RNF212: variants seen among roughly 807,000 people sequenced by gnomAD.
RNF212 encodes ring finger protein 212, also known as probable E3 SUMO-protein ligase RNF212.
A neutral mutation model predicts 34.7 loss-of-function variants in RNF212; 33 were observed. The ratio of observed to expected loss-of-function variants is 0.95; its 90% CI spans 0.72 to 1.27. The LOEUF is 1.27. Among genes scored for constraint, RNF212 ranks in the 50% most tolerant of loss-of-function variants. The pLI is 0.00. For synonymous variants in RNF212, 140 were observed against 136.1 expected, an observed-to-expected ratio of 1.03 and a Z score of -0.20; for missense variants, 377 against 362.2, an observed-to-expected ratio of 1.04 and a Z score of -0.33.
intron 1 of RNF212, among the ~76,000 whole-genome samples, chr4:1,109,957 T>A (rs953089311): frequency 6.6e-6 from 1 of 152,206 alleles, no homozygotes; most frequent in African/African-American, 2.4e-5. Flanking sequence ...GTTGCCCTCA[T>A]GCTAAAAACA....
At chr4:1,106,744 C>A (rs139484315) in intron 2 of RNF212, among the ~76,000 whole-genome samples, 2 of 152,286 alleles carry the variant, frequency 1.3e-5, no homozygotes, top group African/African-American at 4.8e-5. Context: ...GGGTACCGTG[C>A]GAGGAGCAGA....
intron 7 of RNF212, among the ~76,000 whole-genome samples, chr4:1,080,488 C>T (rs533013632): frequency 6.6e-6 from 1 of 152,266 alleles, no homozygotes; most frequent in African/African-American, 2.4e-5. Flanking sequence ...GGAGGGTGGA[C>T]AAAACCCACT....
At chr4:1,081,678 C>A in intron 5 of RNF212, 59 bp from the exon 6 acceptor site, 1 of 1,191,084 alleles carries the variant, frequency 8.4e-7, no homozygotes, top group Non-Finnish European at 1.2e-6. Context: ...CCCCCCAGGT[C>A]ATCCCAACTG....
intron 3 of RNF212, among the ~76,000 whole-genome samples, chr4:1,059,938 T>C (rs1174936744): frequency 6.6e-6 from 1 of 151,138 alleles, no homozygotes; most frequent in Non-Finnish European, 1.5e-5. Flanking sequence ...CTACTAAAAA[T>C]ACAAAATTAG....
At chr4:1,092,206 G>A (rs1056881709) in intron 3 of RNF212, among the ~76,000 whole-genome samples, 10 of 152,248 alleles carry the variant, frequency 6.6e-5, no homozygotes, top group African/African-American at 2.4e-4. Context: ...CCGGCTGTGG[G>A]GGTGCCTGGT....
Position 1,072,733 on chromosome 4 carries a change from CA to C in RNF212, c.*140del. The C allele has an allele frequency of 7.1e-7, 1 of 1,417,836 alleles. No homozygotes were observed. Among genetic ancestry groups the C allele is most frequent in the South Asian group, 1.6e-5 (1 of 62,034 alleles). 87.8% of individuals were successfully genotyped at this position (1,417,836 alleles called of 1,614,324 possible). On this transcript the variant is annotated 3_prime_UTR_variant, in exon 10 of 10. Coordinates refer to ENST00000433731, the MANE Select transcript of RNF212 (RefSeq NM_001131034.4). ...AAAGGTCAAATATAAAATTACAAAG[CA>C]AATTGGGTAAAAGGTTAATATCCTG...
chr4:1,093,970 TG>T, intron 3 of RNF212: 1 of 1,536,068 alleles, frequency 6.5e-7, no homozygotes, highest in East Asian at 2.4e-5. Flanking sequence ...AGGATGTGGC[TG>T]GGCATAACTT....
At chr4:1,078,337 C>T (rs1489541866) in intron 8 of RNF212, among the ~76,000 whole-genome samples, 1 of 152,194 alleles carries the variant, frequency 6.6e-6, no homozygotes, top group East Asian at 1.9e-4. Context: ...GCAGCTCACT[C>T]TGCCCTGAGT....
At chr4:1,104,692 G>A (rs780008059) in intron 2 of RNF212, among the ~76,000 whole-genome samples, 1 of 152,110 alleles carries the variant, frequency 6.6e-6, no homozygotes, top group Non-Finnish European at 1.5e-5. Flanking sequence ...CCCCAGAGTG[G>A]AGCGCCCCCA....
chr4:1,108,085 C>T (rs781227203), intron 2 of RNF212, among the ~76,000 whole-genome samples: 76 of 152,340 alleles, frequency 5.0e-4, no homozygotes, highest in Admixed American at 1.8e-3. Flanking sequence ...CTGCAGAAAT[C>T]TATTTAACCC....
intron 7 of RNF212, among the ~76,000 whole-genome samples, chr4:1,080,919 GGCC>G (rs1560113406): frequency 6.6e-6 from 1 of 152,250 alleles, no homozygotes; most frequent in African/African-American, 2.4e-5. Context: ...CCAGAGTGAT[GGCC>G]AGGCAGGCAT....
downstream of RNF212, among the ~76,000 whole-genome samples, chr4:1,069,555 G>A (rs1718309814): frequency 6.6e-6 from 1 of 152,192 alleles, no homozygotes. Flanking sequence ...GGCGACCAAG[G>A]TGAACATCCT....
chr4:1,063,980 T>A (rs1030690835), intron 3 of RNF212, among the ~76,000 whole-genome samples: 15 of 151,762 alleles, frequency 9.9e-5, no homozygotes, highest in African/African-American at 2.9e-4. Flanking sequence ...GTATCTTCAG[T>A]GAAATTATCC....
At chr4:1,089,483 T>C (rs188719696) in intron 4 of RNF212, among the ~76,000 whole-genome samples, 14 of 152,368 alleles carry the variant, frequency 9.2e-5, no homozygotes, top group Admixed American at 5.2e-4. Context: ...GCCTTGTCTC[T>C]GATGAGATTT....
At position 1,101,493 on chromosome 4, in the gene RNF212, A is replaced by G. The variant is rs3796619; in HGVS notation, c.172-4654T>C. 87,873 of 154,574 alleles carry G rather than the reference A, an allele frequency of 0.57. 26,931 individuals carry two copies. The highest frequency in any genetic ancestry group is 0.69 in the Non-Finnish European group (47,664 of 69,564). The allele number at this position is 154,574 out of a possible 1,614,324, so 9.6% of individuals were successfully genotyped here. On this transcript the variant is annotated intron_variant, in intron 2 of 9. Transcript: ENST00000433731. The stretch of plus-strand genomic sequence containing the variant: ...GTTCATCTGCTCCTGTTGAAGGATT[A>G]TGACTCTGCCACCTGTATCTCCAGT...
At chr4:1,065,869 C>T (rs952877764) in intron 3 of RNF212, among the ~76,000 whole-genome samples, 1 of 151,168 alleles carries the variant, frequency 6.6e-6, no homozygotes, top group Non-Finnish European at 1.5e-5. Flanking sequence ...TACAGACATC[C>T]GTGCCCGGCC....
chr4:1,076,939 T>C (rs1477773790), intron 8 of RNF212, among the ~76,000 whole-genome samples: 1 of 152,258 alleles, frequency 6.6e-6, no homozygotes, highest in Non-Finnish European at 1.5e-5. Flanking sequence ...TTTTACTATC[T>C]GGCCCTTTAC....
At chr4:1,082,467 C>T (rs1052247993) in intron 5 of RNF212, among the ~76,000 whole-genome samples, 3 of 152,242 alleles carry the variant, frequency 2.0e-5, no homozygotes, top group Non-Finnish European at 4.4e-5. Flanking sequence ...CCCGTCTATG[C>T]TGGCTGGGTT....
At chr4:1,061,848 G>A (rs1386129618) in intron 3 of RNF212, among the ~76,000 whole-genome samples, 2 of 152,162 alleles carry the variant, frequency 1.3e-5, no homozygotes, top group Non-Finnish European at 2.9e-5. Flanking sequence ...AGACTTGCTG[G>A]GACAAATACA....
Sources: gnomAD v4.1 joint callset for allele counts (sites outside exome capture counted in the v4.1 genomes callset) on GRCh38, gnomAD v4.1.1 for gene constraint, MANE v1.5 for transcripts, NCBI Gene and HGNC (gene_info 2026-07-23, HGNC 2026-07-21) for gene names.